Variants in CLUAP1 observed in about 807,000 individuals in gnomAD.
The protein encoded by CLUAP1 is intraflagellar transport 38.
A neutral mutation model predicts 55.0 loss-of-function variants in CLUAP1; 50 were observed. The observed-to-expected ratio is 0.91, with a 90% CI of 0.72 to 1.15. The LOEUF (loss-of-function observed/expected upper bound fraction) is 1.15. Ranked by LOEUF, CLUAP1 falls within the 50% of genes most tolerant of loss-of-function variation. CLUAP1 has a pLI of 0.00. For synonymous variants in CLUAP1, 195 were observed against 175.4 expected (o/e 1.11, Z -0.88); for missense variants, 530 against 507.6 (o/e 1.04, Z -0.42).
intron 10 of CLUAP1, among the ~76,000 whole-genome samples, chr16:3,532,374 A>G: frequency 8.3e-6 from 1 of 120,950 alleles, no homozygotes; most frequent in Non-Finnish European, 1.8e-5. Flanking sequence ...TTTCTTATCT[A>G]CCACCTGTTA....
chr16:3,514,678 G>A (rs549868130), intron 5 of CLUAP1, among the ~76,000 whole-genome samples: 11 of 152,180 alleles, frequency 7.2e-5, no homozygotes, highest in Non-Finnish European at 1.2e-4. Flanking sequence ...AGTGTCTGGC[G>A]AGGGCTTGTT....
Position 3,520,526 on chromosome 16 carries a change from A to G in CLUAP1, c.713+490A>G, listed in dbSNP as rs555870007. Among the ~76,000 whole-genome samples the G allele has an allele frequency of 7.2e-5, 11 of 152,300 alleles. No homozygotes were observed. The South Asian group carries it at 2.1e-3, about 29-fold the overall frequency. On this transcript the variant is annotated intron_variant, in intron 7 of 11. Coordinates refer to ENST00000576634, the MANE Select transcript of CLUAP1 (RefSeq NM_015041.3). Reference sequence around the variant, plus strand: ...ATGTGTTGCCTGTCATAACAAGCAGATGGCTAAACTCATTCTCTTTACTGC... The same window carrying G: ...ATGTGTTGCCTGTCATAACAAGCAGGTGGCTAAACTCATTCTCTTTACTGC...
chr16:3,508,760 A>G (rs1427583924), intron 4 of CLUAP1, among the ~76,000 whole-genome samples: 1 of 152,134 alleles, frequency 6.6e-6, no homozygotes, highest in Non-Finnish European at 1.5e-5. Context: ...TCAGACTGTG[A>G]ACAATAAGAG....
chr16:3,533,501 G>C (rs1380109596), intron 11 of CLUAP1: 3 of 281,850 alleles, frequency 1.1e-5, no homozygotes, highest in Admixed American at 4.4e-5. Flanking sequence ...CCAGGCCCTC[G>C]AGGTGCCAGG....
intron 9 of CLUAP1, among the ~76,000 whole-genome samples, chr16:3,528,385 ACT>A (rs1234343793): frequency 6.6e-6 from 1 of 150,418 alleles, no homozygotes; most frequent in Non-Finnish European, 1.5e-5. Flanking sequence ...CTGTTCTGTG[ACT>A]CTCTCGTCTG....
chr16:3,514,919 G>C (rs55810616), intron 5 of CLUAP1, among the ~76,000 whole-genome samples: 4 of 152,220 alleles, frequency 2.6e-5, no homozygotes, highest in East Asian at 1.9e-4. Context: ...GATAGTCACA[G>C]ATGTCTCCCT....
upstream of CLUAP1, among the ~76,000 whole-genome samples, chr16:3,499,239 G>C (rs536699635): frequency 6.6e-6 from 1 of 152,210 alleles, no homozygotes; most frequent in Non-Finnish European, 1.5e-5. Flanking sequence ...CAGCTCCTCC[G>C]GAGGCTGAGG....
At chr16:3,514,837 ATTG>A (rs2037699752) in intron 5 of CLUAP1, among the ~76,000 whole-genome samples, 1 of 152,184 alleles carries the variant, frequency 6.6e-6, no homozygotes. Flanking sequence ...TCACACAAAC[ATTG>A]TCTATAGTAA....
rs767522245 is a variant in CLUAP1 at position 3,532,789 on chromosome 16, G to T, written c.1040G>T (p.Arg347Ile). 4.3e-6 allele frequency: 7 copies of T among 1,613,992 alleles called. No homozygotes were observed. In the Admixed American group the frequency reaches 1.0e-4, roughly 23 times the overall value. Residue 347 changes from arginine (R) to isoleucine (I), a missense_variant, in exon 11 of 12, where the codon AGA (arginine) becomes ATA (isoleucine). By Grantham distance (97) the Arg-to-Ile change is moderately conservative (BLOSUM62 -3). Coordinates refer to ENST00000576634, the MANE Select transcript of CLUAP1 (RefSeq NM_015041.3). ...QTAMEMLMQG[R>I]PGKRIVGTMQ... ...TTCATGCTTTTGTTGTTCTCAGGAA[G>T]ACCTGGCAAACGCATTGTGGGCACG...
intron 5 of CLUAP1, among the ~76,000 whole-genome samples, chr16:3,513,445 T>C (rs999874814): frequency 6.6e-6 from 1 of 152,152 alleles, no homozygotes; most frequent in Non-Finnish European, 1.5e-5. Context: ...TTATTTTTTA[T>C]TTTTTTAATT....
chr16:3,496,308 C>G, upstream of CLUAP1: 1 of 970,666 alleles, frequency 1.0e-6, no homozygotes, highest in Non-Finnish European at 1.6e-6. Flanking sequence ...TACAGGTTAC[C>G]GTCCAGACGA....
upstream of CLUAP1, chr16:3,496,873 C>CTTTT (rs369156559): frequency 0.026 from 6,451 of 245,176 alleles, 198 homozygotes; most frequent in African/African-American, 0.086. Context: ...TTTTTCTTTT[C>CTTTT]TTTTTTTTTT....
chr16:3,527,006 G>A (rs140763880), intron 9 of CLUAP1, among the ~76,000 whole-genome samples: 199 of 152,132 alleles, frequency 1.3e-3, no homozygotes, highest in African/African-American at 4.6e-3. Flanking sequence ...ATCCAGAATG[G>A]CTCAGCAAGA....
chr16:3,510,510 G>A (rs2037603337), intron 4 of CLUAP1, among the ~76,000 whole-genome samples: 1 of 152,174 alleles, frequency 6.6e-6, no homozygotes, highest in Non-Finnish European at 1.5e-5. Context: ...TATTTTGATG[G>A]TAGATCTCAC....
intron 5 of CLUAP1, among the ~76,000 whole-genome samples, chr16:3,515,102 C>T (rs2037704446): frequency 6.6e-6 from 1 of 151,928 alleles, no homozygotes; most frequent in Admixed American, 6.6e-5. Flanking sequence ...CATAGTGACT[C>T]ATGCCTGTGA....
At chr16:3,495,431 G>C in the CLUAP1 span, 12 of 1,609,388 alleles carry the variant, frequency 7.5e-6, no homozygotes, top group East Asian at 2.7e-4. Flanking sequence ...TGGAGGGCCA[G>C]TGTGGTGGGG....
intron 5 of CLUAP1, 69 bp downstream of exon 5, chr16:3,512,547 C>A: frequency 1.6e-6 from 2 of 1,238,332 alleles, no homozygotes; most frequent in Non-Finnish European, 2.4e-6. Context: ...AATTCTGTTT[C>A]TCCCTTTTCA....
chr16:3,512,841 C>T (rs1385219192), intron 5 of CLUAP1, among the ~76,000 whole-genome samples: 8 of 152,094 alleles, frequency 5.3e-5, no homozygotes, highest in Admixed American at 4.6e-4. Flanking sequence ...CCACCACACC[C>T]GGCTAATTTT....
intron 8 of CLUAP1, 55 bp downstream of exon 8, chr16:3,523,354 T>C (rs2037877437): frequency 4.5e-6 from 7 of 1,538,770 alleles, no homozygotes; most frequent in Non-Finnish European, 5.2e-6. Flanking sequence ...TATTTTGTAC[T>C]GGGTGACAGG....
Sources: allele counts gnomAD v4.1 joint callset (sites outside exome capture counted in the v4.1 genomes callset), GRCh38; gene constraint gnomAD v4.1.1; transcripts MANE v1.5; gene names NCBI Gene and HGNC (gene_info 2026-07-23, HGNC 2026-07-21).